GNB1L: variants seen among roughly 807,000 people sequenced by gnomAD.
GNB1L encodes the protein G protein subunit beta 1 like.
In GNB1L, 20 loss-of-function variants were observed where a neutral mutation model predicts 29.1. The ratio of observed to expected loss-of-function variants is 0.69; its 90% CI spans 0.48 to 1.00. The LOEUF (loss-of-function observed/expected upper bound fraction) is 1.00. GNB1L is among the 50% of genes least tolerant of loss of function. GNB1L has a pLI of 0.00. For missense variants in GNB1L, 421 were observed against 464.9 expected (o/e 0.91, Z 0.87); for synonymous variants, 193 against 206.5 (o/e 0.93, Z 0.56).
intron 5 of GNB1L, among the ~76,000 whole-genome samples, chr22:19,810,710 G>A (rs1486999574): frequency 1.3e-5 from 2 of 152,114 alleles, no homozygotes; most frequent in South Asian, 2.1e-4. Flanking sequence ...CGAGTGGGGT[G>A]GGAGTGCGGC....
chr22:19,848,464 C>T, intron 2 of GNB1L: 1 of 985,434 alleles, frequency 1.0e-6, no homozygotes, highest in African/African-American at 1.7e-5. Context: ...CAGCAGCTGG[C>T]AACAAAGCCA....
intron 7 of GNB1L, chr22:19,792,680 C>T: frequency 6.9e-7 from 1 of 1,458,086 alleles, no homozygotes; most frequent in South Asian, 1.2e-5. Flanking sequence ...GGGACGTCCC[C>T]ACCAAGAGAC....
rs767357362 is a variant in GNB1L at position 19,788,714 on chromosome 22, C to G, written c.979G>C (p.Ala327Pro). 5 of 1,611,340 alleles carry G rather than the reference C, an allele frequency of 3.1e-6. No homozygotes were observed. The South Asian group carries it at 3.3e-5, about 11-fold the overall frequency. ...RISLWSLYPR[A>P] ...CCGGGAAGGGAGTGGGTGAGTCATG[C>G]GCGTGGGTAGAGTGACCAGAGGCTG... is the stretch of plus-strand genomic sequence containing the variant. The change falls in exon 8 of 8, where the codon GCA (alanine) becomes CCA (proline). Residue 327 changes from alanine to proline, a missense_variant. Transcript: ENST00000329517.
rs796724694 is a variant in GNB1L at position 19,849,372 on chromosome 22, GTT to G, written c.-21+5069_-21+5070del. 6.2e-3 allele frequency: 4,143 copies of G among 663,664 alleles called. 14 individuals carry two copies. Among genetic ancestry groups the G allele is most frequent in the Middle Eastern group, 0.011 (14 of 1,308 alleles). 41.1% of individuals were successfully genotyped at this position (663,664 alleles called of 1,614,324 possible). A position where few individuals can be genotyped will look rare whatever the true frequency, so the allele number is the denominator to read the frequency against. ...CTAAATAAGGTTTTTGTTTTTTGTT[GTT>G]TTTTTTTTTTTGGGATGGAGTTTCA... is the stretch of plus-strand genomic sequence containing the variant. On this transcript the variant is annotated intron_variant, in intron 2 of 7. Transcript: ENST00000329517.
intron 2 of GNB1L, among the ~76,000 whole-genome samples, chr22:19,852,791 C>T (rs59501356): frequency 0.015 from 2,258 of 152,240 alleles, 44 homozygotes; most frequent in African/African-American, 0.042. Flanking sequence ...TGTGCCACCT[C>T]CCCCACAGGA....
chr22:19,792,707 A>C, intron 7 of GNB1L: 5 of 1,476,278 alleles, frequency 3.4e-6, no homozygotes, highest in Non-Finnish European at 4.7e-6. Flanking sequence ...TCCTTCGAGC[A>C]GGAGTTAACA....
chr22:19,785,835 C>A lies in GNB1L; in HGVS notation c.*2874G>T, dbSNP rs1355762526. On this transcript the variant is annotated 3_prime_UTR_variant, in exon 8 of 8. Coordinates refer to ENST00000329517, the MANE Select transcript of GNB1L (RefSeq NM_053004.3). This position sits in a 1 kb window ranked among gnomAD's most constrained non-coding sequence, Gnocchi z 4.1. ...CAAGCTGGATGTCTGGAGCTGAGAC[C>A]GTTTCTTCTTCTGTTGTGGGGGTTT... 1 of 152,090 alleles carries A rather than the reference C, an allele frequency of 6.6e-6. No individual in the cohort carries two copies. Among genetic ancestry groups the A allele is most frequent in the African/African-American group, 2.4e-5 (1 of 41,374 alleles). 9.4% of individuals were successfully genotyped at this position (152,090 alleles called of 1,614,324 possible). A position where few individuals can be genotyped will look rare whatever the true frequency, so the allele number is the denominator to read the frequency against.
chr22:19,836,617 T>C (rs894844330), intron 2 of GNB1L, among the ~76,000 whole-genome samples: 4 of 152,192 alleles, frequency 2.6e-5, no homozygotes, highest in Admixed American at 2.0e-4. Context: ...TTCATGAATA[T>C]AGACATACAA....
At chr22:19,797,637 C>T (rs1937321739) in intron 7 of GNB1L, among the ~76,000 whole-genome samples, 1 of 152,140 alleles carries the variant, frequency 6.6e-6, no homozygotes, top group South Asian at 2.1e-4. Flanking sequence ...GGGATACCAC[C>T]GCCTGCGCCC....
At position 19,848,184 on chromosome 22, in the gene GNB1L, C is replaced by G. The variant is rs1032066784; in HGVS notation, c.-21+6259G>C. ...AGGTACTTTAAATACCATCTCACAG[C>G]ACCCATCATGTCCTATCTTCAGGAA... On this transcript the variant is annotated intron_variant, in intron 2 of 7. Coordinates refer to ENST00000329517, the MANE Select transcript of GNB1L (RefSeq NM_053004.3). 13 of 985,372 alleles carry G rather than the reference C, an allele frequency of 1.3e-5. No homozygotes were observed. In the African/African-American group the frequency reaches 1.9e-4, roughly 15 times the overall value. The allele number at this position is 985,372 out of a possible 1,614,324, so 61.0% of individuals were successfully genotyped here.
intron 2 of GNB1L, chr22:19,850,864 T>G: frequency 7.6e-7 from 1 of 1,319,908 alleles, no homozygotes; most frequent in Non-Finnish European, 9.6e-7. Flanking sequence ...CTGCTGAGAG[T>G]TGATCTACAA....
chr22:19,810,176 G>GC (rs1937482515), intron 5 of GNB1L, among the ~76,000 whole-genome samples: 1 of 152,260 alleles, frequency 6.6e-6, no homozygotes, highest in Non-Finnish European at 1.5e-5. Context: ...GGCAGGAGGA[G>GC]CCGCCCTGAG....
chr22:19,841,297 T>C (rs77701849), intron 2 of GNB1L, among the ~76,000 whole-genome samples: 20,360 of 152,218 alleles, frequency 0.13, 1,722 homozygotes, highest in Middle Eastern at 0.22. Context: ...TTGTACAAGA[T>C]TCTTGTGCTA....
chr22:19,843,895 G>C (rs889657994), intron 2 of GNB1L, among the ~76,000 whole-genome samples: 1 of 152,110 alleles, frequency 6.6e-6, no homozygotes, highest in Non-Finnish European at 1.5e-5. Context: ...CTGCCACAGG[G>C]GCCTTCTGCT....
At chr22:19,848,111 T>C (rs966354996) in intron 2 of GNB1L, 50 of 984,992 alleles carry the variant, frequency 5.1e-5, no homozygotes, top group Non-Finnish European at 5.8e-5. Flanking sequence ...CAATATCCCA[T>C]AGGACCTTAT....
intron 2 of GNB1L, among the ~76,000 whole-genome samples, chr22:19,825,006 C>T (rs945652581): frequency 5.9e-5 from 9 of 152,234 alleles, no homozygotes; most frequent in Admixed American, 2.6e-4. Flanking sequence ...AAGAGTACCA[C>T]GAAGTGAGCC....
chr22:19,846,440 C>T, intron 2 of GNB1L: 6 of 985,412 alleles, frequency 6.1e-6, no homozygotes, highest in Non-Finnish European at 7.2e-6. Flanking sequence ...CATCCCCACT[C>T]CTCAGTATGG....
At chr22:19,815,932 G>C (rs1172436928) in intron 4 of GNB1L, among the ~76,000 whole-genome samples, 2 of 152,172 alleles carry the variant, frequency 1.3e-5, no homozygotes, top group Non-Finnish European at 2.9e-5. Flanking sequence ...ACGGCACGAA[G>C]ACCCCGTATG....
chr22:19,838,998 CTA>C (rs1937812383), intron 2 of GNB1L, among the ~76,000 whole-genome samples: 3 of 152,156 alleles, frequency 2.0e-5, no homozygotes, highest in Admixed American at 1.3e-4. Context: ...AAGGAACAAA[CTA>C]TTGATAAATG....
Sources: allele counts gnomAD v4.1 joint callset (sites outside exome capture counted in the v4.1 genomes callset), GRCh38; gene constraint gnomAD v4.1.1; non-coding constraint Gnocchi (gnomAD v3.1); transcripts MANE v1.5; gene names NCBI Gene and HGNC (gene_info 2026-07-23, HGNC 2026-07-21).